The following GLDN variants were observed in gnomAD, a reference collection of about 807,000 sequenced individuals.
The protein encoded by GLDN is gliomedin, also known as collomin.
Under a neutral mutation model 56.5 loss-of-function variants are expected in GLDN, and 47 were observed. The ratio of observed to expected loss-of-function variants is 0.83; its 90% confidence interval spans 0.66 to 1.06. The LOEUF is 1.06. GLDN is among the 50% of genes least tolerant of loss of function. GLDN has a pLI of 0.00. For synonymous variants in GLDN, 332 were observed against 278.8 expected (o/e 1.19, Z -1.90); for missense variants, 782 against 714.3 (o/e 1.09, Z -1.08).
chr15:51,344,861 G>T (rs1202147657), intron 1 of GLDN, among the ~76,000 whole-genome samples: 2 of 152,184 alleles, frequency 1.3e-5, no homozygotes, highest in African/African-American at 2.4e-5. Context: ...ACCAGAACCT[G>T]GTTGGCAGCT....
At chr15:51,380,648 C>T (rs1256749654) in intron 2 of GLDN, among the ~76,000 whole-genome samples, 1 of 152,208 alleles carries the variant, frequency 6.6e-6, no homozygotes, top group Non-Finnish European at 1.5e-5. Context: ...CTGAAATTCT[C>T]TCCTCATCTA....
chr15:51,386,282 G>C (rs1488340835), intron 4 of GLDN, among the ~76,000 whole-genome samples: 2 of 152,182 alleles, frequency 1.3e-5, no homozygotes, highest in Admixed American at 1.3e-4. Context: ...GGGGAAGTGG[G>C]AGACTAACCA....
downstream of GLDN, among the ~76,000 whole-genome samples, chr15:51,412,886 G>A (rs188501865): frequency 2.6e-3 from 394 of 152,126 alleles, 1 homozygote; most frequent in African/African-American, 9.1e-3. Context: ...AAACTTTACC[G>A]TCTATGAGCT....
chr15:51,368,755 G>T (rs888049699), intron 1 of GLDN, among the ~76,000 whole-genome samples: 2 of 152,090 alleles, frequency 1.3e-5, no homozygotes. Context: ...CCTGTTTCAG[G>T]ATTGGATGTC....
intron 1 of GLDN, among the ~76,000 whole-genome samples, chr15:51,375,931 G>A (rs2037620797): frequency 6.6e-6 from 1 of 152,162 alleles, no homozygotes; most frequent in South Asian, 2.1e-4. Context: ...TGTGGGGGCT[G>A]GCTCATTATG....
chr15:51,353,734 A>AAAAC (rs60404846), intron 1 of GLDN, among the ~76,000 whole-genome samples: 44 of 128,860 alleles, frequency 3.4e-4, no homozygotes, highest in East Asian at 5.7e-4. Context: ...AAAAAAAAAA[A>AAAAC]CCACAGTCAA....
chr15:51,383,379 C>T, intron 2 of GLDN, 57 bp from the exon 3 acceptor site: 2 of 1,587,396 alleles, frequency 1.3e-6, no homozygotes, highest in African/African-American at 1.4e-5. Context: ...GTCGGGGGTG[C>T]TCTTTGTTTT....
intron 8 of GLDN, 88 bp downstream of exon 8, chr15:51,400,586 T>G: frequency 7.3e-7 from 1 of 1,375,176 alleles, no homozygotes. Context: ...CATTTGTGTG[T>G]GTCTGAAATC....
At position 51,404,383 on chromosome 15, in the gene GLDN, G is replaced by A. The variant is rs897823499; in HGVS notation, c.1285G>A (p.Val429Ile). The change falls in exon 10 of 10, where the codon GTA becomes ATA. Residue 429 changes from valine to isoleucine, a missense_variant. Transcript: ENST00000335449. ...TTCCAAAACTTACTTCAATCTAGCT[G>A]TAGATGAAAAGGGCCTTTGGATTAT... ...ANSKTYFNLA[V>I]DEKGLWIIYA... The A allele has an allele frequency of 1.9e-6, 3 of 1,613,998 alleles. No homozygotes were observed. The highest frequency in any genetic ancestry group is 2.7e-5 in the African/African-American group (2 of 74,902).
chr15:51,395,466 C>T (rs968449820), intron 5 of GLDN, among the ~76,000 whole-genome samples: 3 of 152,098 alleles, frequency 2.0e-5, no homozygotes, highest in South Asian at 2.1e-4. Context: ...GCAACAGATT[C>T]AAGAGCCAAA....
chr15:51,355,291 G>T (rs143543608), intron 1 of GLDN, among the ~76,000 whole-genome samples: 1 of 152,252 alleles, frequency 6.6e-6, no homozygotes, highest in South Asian at 2.1e-4. Flanking sequence ...GGGAAAAGGG[G>T]CAGGGATTTC....
At chr15:51,358,611 G>A (rs1406416807) in intron 1 of GLDN, among the ~76,000 whole-genome samples, 2 of 152,164 alleles carry the variant, frequency 1.3e-5, no homozygotes, top group East Asian at 1.9e-4. Context: ...GAAAGAAAAG[G>A]ACACCAGAAC....
chr15:51,374,616 G>C (rs1389011813), intron 1 of GLDN, among the ~76,000 whole-genome samples: 2 of 152,146 alleles, frequency 1.3e-5, no homozygotes, highest in African/African-American at 4.8e-5. Flanking sequence ...GCTATTGGGG[G>C]TGAGGGGACA....
At chr15:51,356,035 G>A (rs138136563) in intron 1 of GLDN, among the ~76,000 whole-genome samples, 5,908 of 148,640 alleles carry the variant, frequency 0.04, 138 homozygotes, top group South Asian at 0.063. Flanking sequence ...GTGAAACCCC[G>A]TCTCTACTAA....
At chr15:51,380,030 C>T (rs1055144893) in intron 2 of GLDN, among the ~76,000 whole-genome samples, 2 of 152,162 alleles carry the variant, frequency 1.3e-5, no homozygotes, top group Admixed American at 6.5e-5. Flanking sequence ...CTTTCCTGCA[C>T]TTGTGCCCCA....
chr15:51,350,065 G>A (rs1595800659), intron 1 of GLDN, among the ~76,000 whole-genome samples: 3 of 152,014 alleles, frequency 2.0e-5, no homozygotes, highest in South Asian at 4.2e-4. Context: ...TTAGTAGCTC[G>A]GGCTACTAAA....
chr15:51,401,054 G>A (rs1196414597), intron 8 of GLDN, among the ~76,000 whole-genome samples: 1 of 152,218 alleles, frequency 6.6e-6, no homozygotes, highest in Non-Finnish European at 1.5e-5. Context: ...TAAAGGAGGG[G>A]TCTGGCCATA....
At chr15:51,359,904 G>A (rs2445780) in intron 1 of GLDN, among the ~76,000 whole-genome samples, 24,238 of 150,986 alleles carry the variant, frequency 0.16, 2,493 homozygotes, top group East Asian at 0.47. Context: ...ATGTGAACCC[G>A]GGAGGCGGAG....
At chr15:51,355,800 G>A (rs1014697598) in intron 1 of GLDN, among the ~76,000 whole-genome samples, 10 of 150,694 alleles carry the variant, frequency 6.6e-5, no homozygotes, top group Non-Finnish European at 1.0e-4. Context: ...TGGGATTACA[G>A]GCGTGAGCCA....
Sources: allele counts gnomAD v4.1 joint callset (sites outside exome capture counted in the v4.1 genomes callset), GRCh38; gene constraint gnomAD v4.1.1; transcripts MANE v1.5; gene names NCBI Gene and HGNC (gene_info 2026-07-23, HGNC 2026-07-21).